Variants in LACTBL1 observed in about 807,000 individuals in gnomAD.
LACTBL1 encodes lactamase beta like 1.
LACTBL1 carries 29 observed loss-of-function variants against 39.6 expected under a neutral mutation model. The observed-to-expected ratio is 0.73, with a 90% CI of 0.55 to 1.00. LACTBL1 has a LOEUF of 1.00. Ranked by LOEUF, LACTBL1 falls within the 50% of genes least tolerant of loss-of-function variation. LACTBL1 has a pLI of 0.00. For missense variants in LACTBL1, 711 were observed against 748.5 expected, an observed-to-expected ratio of 0.95 and a Z score of 0.59; for synonymous variants, 361 against 360.7, an observed-to-expected ratio of 1.00 and a Z score of -0.01.
chr1:22,957,746 G>T (rs1009834848), intron 4 of LACTBL1, among the ~76,000 whole-genome samples: 1 of 142,164 alleles, frequency 7.0e-6, no homozygotes, highest in Non-Finnish European at 1.5e-5. Context: ...CGCCTTCCAG[G>T]TTCAAGAGAT....
At chr1:22,962,672 C>T (rs561069539) in intron 2 of LACTBL1, among the ~76,000 whole-genome samples, 2 of 152,130 alleles carry the variant, frequency 1.3e-5, no homozygotes, top group Admixed American at 6.5e-5. Context: ...GGCCCTTCCA[C>T]GTGCTGTTCC....
At chr1:22,963,980 GTGCGATCTCAGCTCAC>G (rs1163930384) in intron 1 of LACTBL1, among the ~76,000 whole-genome samples, 2 of 152,074 alleles carry the variant, frequency 1.3e-5, no homozygotes, top group Admixed American at 6.6e-5. Context: ...GAGTACAATG[GTGCGATCTCAGCTCAC>G]TGCGATCTCA....
In LACTBL1 at chr1:22,960,067, G is replaced by GGCAGACATTGCCTGGC; in HGVS notation, c.176_191dup (p.Val67AsnfsTer17). ...CTGCAGACATGGCAGCCACGCCTGG[G>GGCAGACATTGCCTGGC]GCAGACATTGCCTGGCGCAGGATCT... On this transcript the variant is annotated frameshift_variant, in exon 3 of 6. Transcript: ENST00000426928. LOFTEE classifies it high-confidence loss of function. 1 of 1,550,662 alleles carries GGCAGACATTGCCTGGC rather than the reference G, an allele frequency of 6.4e-7. No homozygotes were observed. Among genetic ancestry groups the GGCAGACATTGCCTGGC allele is most frequent in the South Asian group, 1.2e-5 (1 of 84,060 alleles).
At chr1:22,961,821 A>G (rs753270958) in intron 2 of LACTBL1, among the ~76,000 whole-genome samples, 18 of 151,892 alleles carry the variant, frequency 1.2e-4, no homozygotes, top group Non-Finnish European at 2.1e-4. Flanking sequence ...ATCTCGGCTC[A>G]CTGCAACCTC....
chr1:22,960,617 CAAAAA>C (rs35006759), intron 2 of LACTBL1, among the ~76,000 whole-genome samples: 1 of 38,008 alleles, frequency 2.6e-5, no homozygotes, highest in South Asian at 1.2e-3. Flanking sequence ...AACTCCGTCT[CAAAAA>C]AAAAAAAAAA....
At chr1:22,963,267 C>T in intron 1 of LACTBL1, 51 bp from the exon 4 acceptor site, 1 of 1,092,960 alleles carries the variant, frequency 9.1e-7, no homozygotes, top group Non-Finnish European at 1.2e-6. Flanking sequence ...GGATAGGAAT[C>T]TAGGGGGAAA....
At chr1:22,956,670 A>C (rs1214311623) in intron 4 of LACTBL1, among the ~76,000 whole-genome samples, 4 of 152,076 alleles carry the variant, frequency 2.6e-5, no homozygotes, top group Non-Finnish European at 4.4e-5. Context: ...GTCCTTCAGA[A>C]GCTTTCAGAG....
exon 5 of LACTBL1, chr1:22,955,409 G>T: frequency 6.5e-7 from 1 of 1,549,744 alleles, no homozygotes; most frequent in South Asian, 1.2e-5. Flanking sequence ...GAAGTGGAGC[G>T]CAGCCTTCTG....
the LACTBL1 span, chr1:22,972,380 G>A: frequency 5.4e-5 from 53 of 985,180 alleles, no homozygotes; most frequent in Admixed American, 1.8e-4. Context: ...AGGAGATCCC[G>A]TAAGCAGGAA....
the LACTBL1 span, chr1:22,972,257 G>A: frequency 1.0e-6 from 1 of 980,996 alleles, no homozygotes; most frequent in Non-Finnish European, 1.2e-6. Flanking sequence ...GGTCAGACAT[G>A]TGTCAGAAGC....
intron 2 of LACTBL1, among the ~76,000 whole-genome samples, chr1:22,962,346 G>A (rs1202875327): frequency 6.6e-6 from 1 of 152,040 alleles, no homozygotes; most frequent in African/African-American, 2.4e-5. Flanking sequence ...TTCCTCGGAT[G>A]ATAGTTTTGA....
chr1:22,955,491 GCA>G, intron 4 of LACTBL1, 65 bp from the exon 7 acceptor site: 2 of 1,032,460 alleles, frequency 1.9e-6, no homozygotes, highest in Non-Finnish European at 2.9e-6. Context: ...GCCCCTGGGT[GCA>G]CTCCCTCCCC....
intron 4 of LACTBL1, among the ~76,000 whole-genome samples, chr1:22,955,893 C>G (rs1300192127): frequency 2.0e-5 from 3 of 151,680 alleles, no homozygotes; most frequent in Non-Finnish European, 2.9e-5. Context: ...GAAACCCCAT[C>G]TCTTCTAAAA....
At chr1:22,960,617 C>CAAAA (rs35006759) in intron 2 of LACTBL1, among the ~76,000 whole-genome samples, 1,331 of 37,866 alleles carry the variant, frequency 0.035, 84 homozygotes, top group African/African-American at 0.056. Context: ...AACTCCGTCT[C>CAAAA]AAAAAAAAAA....
At chr1:22,972,840 G>A in the LACTBL1 span, 2 of 982,954 alleles carry the variant, frequency 2.0e-6, no homozygotes, top group African/African-American at 1.7e-5. Context: ...GCCTCTGGGA[G>A]TCCCCTGTGT....
upstream of LACTBL1, among the ~76,000 whole-genome samples, chr1:22,966,036 T>A (rs1398278547): frequency 6.6e-6 from 1 of 152,224 alleles, no homozygotes; most frequent in Non-Finnish European, 1.5e-5. Context: ...TGGCACAATC[T>A]TGTAAATATG....
At chr1:22,954,972 C>A (rs1035322089) in intron 5 of LACTBL1, among the ~76,000 whole-genome samples, 1 of 152,214 alleles carries the variant, frequency 6.6e-6, no homozygotes, top group Admixed American at 6.5e-5. Flanking sequence ...TCCAACCTGG[C>A]AAAATCTGTA....
chr1:22,961,489 G>A lies in LACTBL1; in HGVS notation c.160-1390C>T, dbSNP rs186773388. On this transcript the variant is annotated intron_variant, in intron 2 of 5. Transcript: ENST00000426928. ...AGCGATTCTCCTGCCTCAGCCCCCC[G>A]AGTAGCTGGGATTACAGTCATATGC... is the stretch of plus-strand genomic sequence containing the variant. Among the ~76,000 whole-genome samples, 406 of 152,118 alleles carry A rather than the reference G, an allele frequency of 2.7e-3. 2 individuals are homozygous for A. The highest frequency in any genetic ancestry group is 8.9e-3 in the African/African-American group (368 of 41,506).
At chr1:22,955,402 G>A (rs1194748410) in exon 5 of LACTBL1, 2 of 1,550,212 alleles carry the variant, frequency 1.3e-6, no homozygotes, top group Non-Finnish European at 1.7e-6. Flanking sequence ...CAGCAGTGAA[G>A]TGGAGCGCAG....
Sources: gnomAD v4.1 joint callset for allele counts (sites outside exome capture counted in the v4.1 genomes callset) on GRCh38, gnomAD v4.1.1 for gene constraint, MANE v1.5 for transcripts, NCBI Gene and HGNC (gene_info 2026-07-23, HGNC 2026-07-21) for gene names.